COL4A2: variants seen among roughly 807,000 people sequenced by gnomAD.
The protein encoded by COL4A2 is collagen type IV alpha 2 chain.
Under a neutral mutation model 200.2 loss-of-function variants are expected in COL4A2, and 99 were observed. The ratio of observed to expected loss-of-function variants is 0.49; its 90% CI spans 0.42 to 0.58. The LOEUF is 0.58. Among genes scored for constraint, COL4A2 ranks in the 20% least tolerant of loss-of-function variants. The probability of loss-of-function intolerance (pLI) is 0.00; values close to 1 mark genes in which losing one functional copy is unlikely to be tolerated. For synonymous variants in COL4A2, 897 were observed against 900.6 expected (o/e 1.00, Z 0.07); for missense variants, 1,950 against 2,314.1 (o/e 0.84, Z 3.23).
chr13:110,444,550 C>A (rs1254001804), intron 16 of COL4A2, among the ~76,000 whole-genome samples: 1 of 152,242 alleles, frequency 6.6e-6, no homozygotes, highest in Non-Finnish European at 1.5e-5. Context: ...AGGACCACAA[C>A]AACACACACA....
In COL4A2 at chr13:110,503,844, C is replaced by T. The variant is rs746959715; in HGVS notation, c.4139-3C>T. Reference sequence around the variant, plus strand: ...TACTGGGGCCTCTCTGTTTCCCTTCCAGGTGCCCCCGGGACTGTGGGAGCC... The same window carrying T: ...TACTGGGGCCTCTCTGTTTCCCTTCTAGGTGCCCCCGGGACTGTGGGAGCC... On this transcript the variant is annotated splice_region_variant and splice_polypyrimidine_tract_variant and intron_variant, in intron 43 of 47. Coordinates refer to ENST00000360467, the MANE Select transcript of COL4A2 (RefSeq NM_001846.4). The T allele has an allele frequency of 1.2e-6, 2 of 1,613,922 alleles. No individual in the cohort carries two copies. Among genetic ancestry groups the T allele is most frequent in the Non-Finnish European group, 1.7e-6 (2 of 1,179,884 alleles).
chr13:110,451,939 CAT>C (rs954339280), intron 20 of COL4A2, among the ~76,000 whole-genome samples: 15 of 152,202 alleles, frequency 9.9e-5, no homozygotes, highest in Non-Finnish European at 2.1e-4. Context: ...AATAAGAGGT[CAT>C]AGTCTCTTTC....
intron 3 of COL4A2, among the ~76,000 whole-genome samples, chr13:110,328,740 C>T (rs904158201): frequency 2.6e-5 from 4 of 152,306 alleles, no homozygotes; most frequent in East Asian, 1.9e-4. Flanking sequence ...CCCAGAGAGA[C>T]GGGCGGGCTC....
Position 110,307,658 on chromosome 13 carries a change from G to A in COL4A2, c.-45+130G>A, listed in dbSNP as rs1053093852. On this transcript the variant is annotated intron_variant, in intron 1 of 47. Coordinates refer to ENST00000360467, the MANE Select transcript of COL4A2 (RefSeq NM_001846.4). The surrounding 1 kb of genome is among the most constrained non-coding windows in gnomAD (Gnocchi z 5.0). The stretch of plus-strand genomic sequence containing the variant: ...GGGGGAGGGTGGGAGAGCGAAGACC[G>A]AGCTCCTCGGCCAAGGAGCACCCAC... 16 of 568,786 alleles carry A rather than the reference G, an allele frequency of 2.8e-5. No individual in the cohort carries two copies. Among genetic ancestry groups the A allele is most frequent in the South Asian group, 1.9e-4 (8 of 41,914 alleles). 35.2% of individuals were successfully genotyped at this position (568,786 alleles called of 1,614,324 possible).
chr13:110,493,822 G>GC (rs1215767572), intron 39 of COL4A2, among the ~76,000 whole-genome samples: 1 of 151,890 alleles, frequency 6.6e-6, no homozygotes, highest in South Asian at 2.1e-4. Flanking sequence ...CGGGTTCTGG[G>GC]GGGGGCCGCG....
intron 4 of COL4A2, 91 bp from the exon 5 acceptor site, chr13:110,424,643 A>AAAAC: frequency 1.1e-6 from 1 of 885,186 alleles, no homozygotes; most frequent in Non-Finnish European, 1.7e-6. Flanking sequence ...TTAAAAACAA[A>AAAAC]AAAAAAAATG....
At chr13:110,488,586 G>A (rs1404634167) in intron 34 of COL4A2, among the ~76,000 whole-genome samples, 3 of 152,190 alleles carry the variant, frequency 2.0e-5, no homozygotes, top group Non-Finnish European at 2.9e-5. Flanking sequence ...CCATATCTGT[G>A]TTATAATCTG....
chr13:110,375,140 G>A (rs948129805), intron 4 of COL4A2, among the ~76,000 whole-genome samples: 4 of 152,198 alleles, frequency 2.6e-5, no homozygotes, highest in Non-Finnish European at 5.9e-5. Context: ...TCGCCATTCA[G>A]GTGTGAGGAT....
At chr13:110,362,240 G>T (rs553031455) in intron 4 of COL4A2, among the ~76,000 whole-genome samples, 18 of 152,074 alleles carry the variant, frequency 1.2e-4, no homozygotes, top group African/African-American at 4.3e-4. Flanking sequence ...GTTATTTGAG[G>T]GTCTGTATTT....
At chr13:110,352,482 GCC>G (rs993430922) in intron 3 of COL4A2, among the ~76,000 whole-genome samples, 1 of 152,214 alleles carries the variant, frequency 6.6e-6, no homozygotes. Flanking sequence ...TGTCTAATCT[GCC>G]CCCTACTCTA....
chr13:110,505,772 A>G (rs1174644900), intron 45 of COL4A2, among the ~76,000 whole-genome samples: 1 of 152,114 alleles, frequency 6.6e-6, no homozygotes, highest in African/African-American at 2.4e-5. Context: ...GCGATGAGCC[A>G]TGTCTCCTGG....
At chr13:110,414,458 C>T (rs925880994) in intron 4 of COL4A2, among the ~76,000 whole-genome samples, 13 of 152,254 alleles carry the variant, frequency 8.5e-5, no homozygotes, top group African/African-American at 3.1e-4. Flanking sequence ...CAGCCCAGGC[C>T]AGTCCTGGGA....
At position 110,428,521 on chromosome 13, in the gene COL4A2, G is replaced by A. The variant is rs373792475; in HGVS notation, c.415G>A (p.Gly139Arg). The A allele has an allele frequency of 1.5e-5, 24 of 1,585,416 alleles. No individual in the cohort carries two copies. The highest frequency in any genetic ancestry group is 2.4e-5 in the East Asian group (1 of 41,618). ...AAGGCCGGGCTACGATGGCTGCAAC[G>A]GAACCCAGGGAGACTCAGGTCCACA... ...RGRPGYDGCN[G>R]TQGDSGPQGP... The change falls in exon 7 of 48, where the codon GGA becomes AGA. Residue 139 changes from glycine to arginine, a missense_variant. Gly to Arg is a moderately radical substitution (Grantham distance 125). Around this residue, in one of 2 missense-constraint regions of COL4A2, gnomAD observed 565 missense variants for 593.5 expected, o/e 0.95. Transcript: ENST00000360467.
Position 110,495,379 on chromosome 13 carries a change from T to A in COL4A2, c.3672T>A (p.Pro1224=). 6.2e-7 allele frequency: 1 copy of A among 1,614,000 alleles called. No individual in the cohort carries two copies. The highest frequency in any genetic ancestry group is 1.1e-5 in the South Asian group (1 of 91,068). ...ACGGAGACCCAGGCTTCCCAGGCCC[T>A]CCTGGGGAAAGAGGTGACCCAGGAG... ...DIHGDPGFPG[P]PGERGDPGEA... The change falls in exon 40 of 48, where the codon CCT becomes CCA. Residue 1224 remains proline (P), a synonymous_variant. Coordinates refer to ENST00000360467, the MANE Select transcript of COL4A2 (RefSeq NM_001846.4).
chr13:110,464,372 G>T (rs982946864), intron 24 of COL4A2, among the ~76,000 whole-genome samples: 8 of 152,080 alleles, frequency 5.3e-5, no homozygotes, highest in Admixed American at 4.6e-4. Flanking sequence ...TCCTTGTTTG[G>T]TGGCATCTCT....
At chr13:110,343,593 C>T (rs1232955265) in intron 3 of COL4A2, among the ~76,000 whole-genome samples, 1 of 152,204 alleles carries the variant, frequency 6.6e-6, no homozygotes, top group East Asian at 1.9e-4. Context: ...TGGTGTTGTC[C>T]ATGGCCCCAA....
intron 3 of COL4A2, among the ~76,000 whole-genome samples, chr13:110,311,587 C>T (rs768466072): frequency 2.0e-5 from 3 of 152,168 alleles, no homozygotes; most frequent in African/African-American, 7.2e-5. Context: ...GCATGTGAAG[C>T]GCCTTGGAGG....
chr13:110,308,084 G>T lies in COL4A2; in HGVS notation c.60G>T (p.Gly20=), dbSNP rs770707066. The change falls in exon 3 of 48, where the codon GGG becomes GGT. Residue 20 remains glycine (G), a synonymous_variant. Transcript: ENST00000360467. Reference sequence around the variant, plus strand: ...TCCCATGCAGGTGGCTGCTGCTGGGGACAGTGACCGTGGGGTTCCTCGCCC... The same window carrying T: ...TCCCATGCAGGTGGCTGCTGCTGGGTACAGTGACCGTGGGGTTCCTCGCCC... ...GPALRRWLLL[G]TVTVGFLAQS... 1.2e-5 allele frequency: 19 copies of T among 1,613,880 alleles called. No individual in the cohort carries two copies. In the East Asian group the frequency reaches 2.7e-4, roughly 23 times the overall value.
chr13:110,415,586 C>T (rs59649088), intron 4 of COL4A2, among the ~76,000 whole-genome samples: 2,997 of 152,244 alleles, frequency 0.02, 92 homozygotes, highest in African/African-American at 0.068. Context: ...ATTATCGTAG[C>T]GGAACCAACT....
Sources: allele counts gnomAD v4.1 joint callset (sites outside exome capture counted in the v4.1 genomes callset), GRCh38; gene constraint gnomAD v4.1.1; regional missense constraint gnomAD v4.1.1; non-coding constraint Gnocchi (gnomAD v3.1); transcripts MANE v1.5; gene names NCBI Gene and HGNC (gene_info 2026-07-23, HGNC 2026-07-21).